RIN3: variants seen among roughly 807,000 people sequenced by gnomAD.
The protein encoded by RIN3 is Ras and Rab interactor 3, also known as RAB5 interacting protein 3.
Under a neutral mutation model 76.3 loss-of-function variants are expected in RIN3, and 54 were observed. That is an observed-to-expected ratio of 0.71 (90% CI 0.57 to 0.89). RIN3 has a LOEUF of 0.89. RIN3 is among the 40% of genes least tolerant of loss of function. The pLI is 0.00. For missense variants in RIN3, 1,256 were observed against 1,322.1 expected (o/e 0.95, Z 0.78); for synonymous variants, 576 against 564.0 (o/e 1.02, Z -0.30).
chr14:92,547,598 G>A (rs1010014532), intron 1 of RIN3, among the ~76,000 whole-genome samples: 13 of 151,854 alleles, frequency 8.6e-5, no homozygotes, highest in South Asian at 2.1e-4. Flanking sequence ...GTCTCACCAC[G>A]TTGCCCAAGC....
intron 7 of RIN3, among the ~76,000 whole-genome samples, chr14:92,670,150 C>A (rs1186515935): frequency 6.6e-6 from 1 of 151,934 alleles, no homozygotes; most frequent in Non-Finnish European, 1.5e-5. Flanking sequence ...GTCTGGGTGA[C>A]CCAGCTGAGC....
In RIN3 at chr14:92,566,808, T is replaced by C. The variant is rs752805243; in HGVS notation, c.250-10552T>C. Among the ~76,000 whole-genome samples, 55 of 152,324 alleles carry C rather than the reference T, an allele frequency of 3.6e-4. No homozygotes were observed. In the Middle Eastern group the frequency reaches 0.01, roughly 28 times the overall value. The stretch of plus-strand genomic sequence containing the variant: ...GGTTCAAGGCCCAACACTCTGGACC[T>C]GCCGCTTGAATGCCCATCCCCTTTC... On this transcript the variant is annotated intron_variant, in intron 2 of 9. Transcript: ENST00000216487.
intron 3 of RIN3, among the ~76,000 whole-genome samples, chr14:92,589,356 ATCT>A (rs1295793895): frequency 1.3e-5 from 2 of 152,066 alleles, no homozygotes; most frequent in African/African-American, 4.8e-5. Context: ...ATATTGTCGC[ATCT>A]TCTTTCCCCA....
intron 1 of RIN3, among the ~76,000 whole-genome samples, chr14:92,555,052 C>G (rs765856750): frequency 5.9e-5 from 9 of 152,256 alleles, no homozygotes; most frequent in Non-Finnish European, 1.2e-4. Context: ...AGACAAGCCA[C>G]TTCTGGCTAG....
chr14:92,670,715 CCT>C (rs1888260789), intron 7 of RIN3, among the ~76,000 whole-genome samples: 1 of 152,204 alleles, frequency 6.6e-6, no homozygotes, highest in Non-Finnish European at 1.5e-5. Context: ...CATCTCTGAG[CCT>C]CAATTTCCTC....
At chr14:92,614,769 C>T (rs1287874223) in intron 3 of RIN3, among the ~76,000 whole-genome samples, 1 of 150,508 alleles carries the variant, frequency 6.6e-6, no homozygotes, top group Non-Finnish European at 1.5e-5. Context: ...CCTCACCAGC[C>T]ACATAGAACT....
intron 1 of RIN3, among the ~76,000 whole-genome samples, chr14:92,523,005 A>C (rs1896639745): frequency 6.6e-6 from 1 of 152,244 alleles, no homozygotes; most frequent in Non-Finnish European, 1.5e-5. Context: ...AGGATAGAAC[A>C]ACAATATATT....
chr14:92,588,003 G>A (rs902284350), intron 3 of RIN3, among the ~76,000 whole-genome samples: 2 of 152,020 alleles, frequency 1.3e-5, no homozygotes, highest in East Asian at 3.9e-4. Flanking sequence ...TGGAGACGAG[G>A]GATGCTATGT....
At chr14:92,674,482 A>G (rs1888391637) in intron 7 of RIN3, among the ~76,000 whole-genome samples, 1 of 152,148 alleles carries the variant, frequency 6.6e-6, no homozygotes, top group South Asian at 2.1e-4. Flanking sequence ...ATGTGCCTGT[A>G]GTCCCAGCTA....
chr14:92,660,757 G>A (rs910198560), intron 7 of RIN3, among the ~76,000 whole-genome samples: 4 of 152,234 alleles, frequency 2.6e-5, no homozygotes, highest in African/African-American at 9.6e-5. Context: ...AAAGGGTGTG[G>A]ATGTGGGAGG....
chr14:92,550,309 G>A (rs543840860), intron 1 of RIN3, among the ~76,000 whole-genome samples: 2 of 152,286 alleles, frequency 1.3e-5, no homozygotes, highest in African/African-American at 2.4e-5. Flanking sequence ...AGTGTGTCAG[G>A]CACTGTGCTA....
rs748505920 is a variant in RIN3, at chr14:92,555,696, T to C, written c.45-55T>C. ...GGCTGAATGGAATCCCCAGGTGTTA[T>C]AAACCTTCTCTGGGCTGGCTGCAGG... On this transcript the variant is annotated intron_variant, in intron 1 of 9. Coordinates refer to ENST00000216487, the MANE Select transcript of RIN3 (RefSeq NM_024832.5). 6 of 1,574,298 alleles carry C rather than the reference T, an allele frequency of 3.8e-6. No homozygotes were observed. In the African/African-American group the frequency reaches 6.7e-5, roughly 18 times the overall value.
intron 1 of RIN3, among the ~76,000 whole-genome samples, chr14:92,539,473 C>T (rs770599781): frequency 6.6e-6 from 1 of 152,144 alleles, no homozygotes; most frequent in Admixed American, 6.5e-5. Flanking sequence ...AGCCACGGAC[C>T]TGGGATTCTA....
intron 8 of RIN3, among the ~76,000 whole-genome samples, chr14:92,683,890 T>C (rs940591901): frequency 2.0e-5 from 3 of 152,216 alleles, no homozygotes; most frequent in Non-Finnish European, 4.4e-5. Flanking sequence ...TTCTAAAGCA[T>C]ATCAAAGTTC....
chr14:92,545,588 T>C (rs1414517357), intron 1 of RIN3, among the ~76,000 whole-genome samples: 5 of 145,810 alleles, frequency 3.4e-5, no homozygotes, highest in African/African-American at 7.9e-5. Context: ...TTTTCTTTTT[T>C]TTTTTTTTTT....
intron 4 of RIN3, among the ~76,000 whole-genome samples, chr14:92,627,004 T>C (rs1160964281): frequency 2.0e-5 from 3 of 152,198 alleles, no homozygotes; most frequent in Non-Finnish European, 4.4e-5. Context: ...GCGGATGGGT[T>C]CCTTGGCCCA....
chr14:92,515,241 T>C (rs1463366682), intron 1 of RIN3: 1 of 700,520 alleles, frequency 1.4e-6, no homozygotes, highest in South Asian at 1.5e-5. Flanking sequence ...TGGGAAGAAC[T>C]GGGAATCCGT....
chr14:92,558,857 C>G (rs1897673579), intron 2 of RIN3, among the ~76,000 whole-genome samples: 1 of 150,570 alleles, frequency 6.6e-6, no homozygotes, highest in East Asian at 1.9e-4. Context: ...CCAGCACCTT[C>G]TCTCTTCCTT....
chr14:92,619,376 A>G (rs531298576), intron 4 of RIN3, among the ~76,000 whole-genome samples: 13 of 152,126 alleles, frequency 8.5e-5, no homozygotes, highest in Admixed American at 8.5e-4. Context: ...TTACAAAAAA[A>G]AACACACACA....
Sources: allele counts gnomAD v4.1 joint callset (sites outside exome capture counted in the v4.1 genomes callset), GRCh38; gene constraint gnomAD v4.1.1; transcripts MANE v1.5; gene names NCBI Gene and HGNC (gene_info 2026-07-23, HGNC 2026-07-21).